The following LHX2 variants were observed in gnomAD, a reference collection of about 807,000 sequenced individuals.
The protein encoded by LHX2 is LIM homeobox 2, also known as LIM/homeobox protein Lhx2.
A neutral mutation model predicts 33.0 loss-of-function variants in LHX2; 6 were observed. The ratio of observed to expected loss-of-function variants is 0.18; its 90% CI spans 0.10 to 0.36. The LOEUF is 0.36. LHX2 is among the 10% of genes least tolerant of loss of function. The pLI is 1.00. For missense variants in LHX2, 442 were observed against 586.2 expected, an observed-to-expected ratio of 0.75 and a Z score of 2.54; for synonymous variants, 292 against 253.1, an observed-to-expected ratio of 1.15 and a Z score of -1.46.
rs1397710625 is a variant in LHX2, at chr9:124,012,997, T to A, written c.120+529T>A. ...TGTCGTTGATCGCGTCCCCAGACCC[T>A]TGACTGGTCAGACTTAGCCAGGCCA... On this transcript the variant is annotated intron_variant, in intron 1 of 4. Transcript: ENST00000373615. The surrounding 1 kb of genome is among the most constrained non-coding windows in gnomAD (Gnocchi z 4.3). Among the ~76,000 whole-genome samples, 2 of 152,228 alleles carry A rather than the reference T, an allele frequency of 1.3e-5. No individual in the cohort carries two copies. Among genetic ancestry groups the A allele is most frequent in the African/African-American group, 4.8e-5 (2 of 41,466 alleles).
In LHX2 at chr9:124,015,109, A is replaced by G. The variant is rs748503764; in HGVS notation, c.324-13A>G. 4 of 1,610,462 alleles carry G rather than the reference A, an allele frequency of 2.5e-6. No individual in the cohort carries two copies. Among genetic ancestry groups the G allele is most frequent in the Admixed American group, 1.7e-5 (1 of 59,958 alleles). ...GTGTGTTCCCACAGCCCCTCCCTCC[A>G]TGGTCCCTACAGGCGCTTCTCTGTG... On this transcript the variant is annotated splice_polypyrimidine_tract_variant and intron_variant, in intron 2 of 4. Coordinates refer to ENST00000373615, the MANE Select transcript of LHX2 (RefSeq NM_004789.4). This position sits in a 1 kb window ranked among gnomAD's most constrained non-coding sequence, Gnocchi z 7.9.
At chr9:124,029,181 C>G (rs1017823216) in intron 4 of LHX2, among the ~76,000 whole-genome samples, 6 of 152,206 alleles carry the variant, frequency 3.9e-5, no homozygotes, top group South Asian at 4.2e-4. Context: ...ATAGTCGAAT[C>G]CACCTACTTG....
rs1859147250 is a variant in LHX2 at position 124,014,288 on chromosome 9, C to T, written c.323+125C>T. The T allele has an allele frequency of 1.7e-6, 1 of 603,346 alleles. No individual in the cohort carries two copies. The allele number at this position is 603,346 out of a possible 1,614,324, so 37.4% of individuals were successfully genotyped here. A position where few individuals can be genotyped will look rare whatever the true frequency, so the allele number is the denominator to read the frequency against. ...GTTCACTACTCAGGACTCCCCCGCT[C>T]CCCCCCCAAGTTCTCCAAGCCACCA... On this transcript the variant is annotated intron_variant, in intron 2 of 4. Coordinates refer to ENST00000373615, the MANE Select transcript of LHX2 (RefSeq NM_004789.4). This position sits in a 1 kb window ranked among gnomAD's most constrained non-coding sequence, Gnocchi z 4.8.
At chr9:124,031,738 T>C (rs1451192454) in intron 4 of LHX2, 1 of 152,324 alleles carries the variant, frequency 6.6e-6, no homozygotes, top group Non-Finnish European at 1.5e-5. Flanking sequence ...TTTTTTTTCA[T>C]ATTCAGCCTT....
rs1181928305 is a variant in LHX2, at chr9:124,031,589, G to A, written c.934-831G>A. The A allele has an allele frequency of 2.0e-5, 3 of 152,166 alleles. No individual in the cohort carries two copies. The East Asian group carries it at 5.8e-4, about 29-fold the overall frequency. 9.4% of individuals were successfully genotyped at this position (152,166 alleles called of 1,614,324 possible). On this transcript the variant is annotated intron_variant, in intron 4 of 4. Coordinates refer to ENST00000373615, the MANE Select transcript of LHX2 (RefSeq NM_004789.4). ...ATTTTAAGTTTTAAATGTCCTAGTA[G>A]CCTCCTTGAAGAAATGAAGAGAGAC...
Position 124,032,754 on chromosome 9 carries a change from C to A in LHX2, c.*47C>A, listed in dbSNP as rs1336472736. 2.0e-6 allele frequency: 3 copies of A among 1,501,182 alleles called. No individual in the cohort carries two copies. Among genetic ancestry groups the A allele is most frequent in the South Asian group, 1.3e-5 (1 of 74,324 alleles). 93.0% of individuals were successfully genotyped at this position (1,501,182 alleles called of 1,614,324 possible). On this transcript the variant is annotated 3_prime_UTR_variant, in exon 5 of 5. Transcript: ENST00000373615. This position sits in a 1 kb window ranked among gnomAD's most constrained non-coding sequence, Gnocchi z 4.1. ...ACAATTTCTTTAAAAAAGAAATTAT[C>A]TTTAGTTGAATTCCAAGTGTATTTT...
At chr9:124,021,803 C>T (rs1174198401) in intron 4 of LHX2, 1 of 157,078 alleles carries the variant, frequency 6.4e-6, no homozygotes, top group East Asian at 1.9e-4. Flanking sequence ...TCACTCCCCC[C>T]TCTCTCTTCC....
At chr9:124,025,911 G>A (rs1033218233) in intron 4 of LHX2, among the ~76,000 whole-genome samples, 2 of 151,992 alleles carry the variant, frequency 1.3e-5, no homozygotes, top group Non-Finnish European at 2.9e-5. Context: ...CTTGAACCCA[G>A]GAGGTGGAGG....
At position 124,014,292 on chromosome 9, in the gene LHX2, C is replaced by A. The variant is rs555771263; in HGVS notation, c.323+129C>A. The A allele has an allele frequency of 4.8e-6, 3 of 624,060 alleles. No individual in the cohort carries two copies. The highest frequency in any genetic ancestry group is 3.6e-5 in the South Asian group (2 of 55,606). 38.7% of individuals were successfully genotyped at this position (624,060 alleles called of 1,614,324 possible). ...ACTACTCAGGACTCCCCCGCTCCCC[C>A]CCCAAGTTCTCCAAGCCACCACAAG... On this transcript the variant is annotated intron_variant, in intron 2 of 4. Coordinates refer to ENST00000373615, the MANE Select transcript of LHX2 (RefSeq NM_004789.4). The surrounding 1 kb of genome is among the most constrained non-coding windows in gnomAD (Gnocchi z 4.8).
At chr9:124,027,568 C>T (rs2118778181) in intron 4 of LHX2, among the ~76,000 whole-genome samples, 1 of 152,170 alleles carries the variant, frequency 6.6e-6, no homozygotes, top group African/African-American at 2.4e-5. Flanking sequence ...CCTGTAATCC[C>T]AGCACTTTGG....
At chr9:124,024,639 A>C (rs7049026) in intron 4 of LHX2, among the ~76,000 whole-genome samples, 58,205 of 152,110 alleles carry the variant, frequency 0.38, 12,037 homozygotes, top group Admixed American at 0.48. Flanking sequence ...GTGTAGAGTC[A>C]GGACCCAGGC....
In LHX2 at chr9:124,014,104, G is replaced by A. The variant is rs780936364; in HGVS notation, c.264G>A (p.Glu88=). The A allele has an allele frequency of 6.2e-7, 1 of 1,613,674 alleles. No homozygotes were observed. The highest frequency in any genetic ancestry group is 1.1e-5 in the South Asian group (1 of 91,092). Reference sequence around the variant, plus strand: ...GCTGCGAGTGCAAGCTCAACCTGGAGTCGGAGCTCACCTGTTTCAGCAAGG... The same window carrying A: ...GCTGCGAGTGCAAGCTCAACCTGGAATCGGAGCTCACCTGTTTCAGCAAGG... ...LKCCECKLNL[E]SELTCFSKDG... The change falls in exon 2 of 5, where the codon GAG becomes GAA. Residue 88 remains glutamate (E), a synonymous_variant. Transcript: ENST00000373615. The surrounding 1 kb of genome is among the most constrained non-coding windows in gnomAD (Gnocchi z 4.8).
chr9:124,031,115 G>A (rs143092307), intron 4 of LHX2, among the ~76,000 whole-genome samples: 8 of 152,122 alleles, frequency 5.3e-5, no homozygotes, highest in Non-Finnish European at 7.4e-5. Flanking sequence ...CTCATAAGTC[G>A]ATACGGGATG....
chr9:124,032,402 C>G lies in LHX2; in HGVS notation c.934-18C>G. On this transcript the variant is annotated intron_variant, in intron 4 of 4. Transcript: ENST00000373615. This position sits in a 1 kb window ranked among gnomAD's most constrained non-coding sequence, Gnocchi z 4.1. ...GCCTGCCTTCCGCTCACCAGCCCTT[C>G]CCTGTCGTCCCCCGCAGGTCTGGTT... 1 of 1,565,334 alleles carries G rather than the reference C, an allele frequency of 6.4e-7. No homozygotes were observed. Among genetic ancestry groups the G allele is most frequent in the Non-Finnish European group, 8.7e-7 (1 of 1,155,634 alleles).
In LHX2 at chr9:124,016,570, A is replaced by G. The variant is rs1218811283; in HGVS notation, c.727+1045A>G. ...AAGCAAAAACAAAAACAAACCCAAG[A>G]CTGTGCAGAGGGTGCTACGGCGGGA... is the stretch of plus-strand genomic sequence containing the variant. On this transcript the variant is annotated intron_variant, in intron 3 of 4. Coordinates refer to ENST00000373615, the MANE Select transcript of LHX2 (RefSeq NM_004789.4). This position sits in a 1 kb window ranked among gnomAD's most constrained non-coding sequence, Gnocchi z 4.4. Among the ~76,000 whole-genome samples, 4 of 152,156 alleles carry G rather than the reference A, an allele frequency of 2.6e-5. No homozygotes were observed. The highest frequency in any genetic ancestry group is 9.7e-5 in the African/African-American group (4 of 41,420).
chr9:124,022,714 A>C (rs926875380), intron 4 of LHX2, among the ~76,000 whole-genome samples: 1 of 152,218 alleles, frequency 6.6e-6, no homozygotes, highest in Non-Finnish European at 1.5e-5. Flanking sequence ...CAGAAACAAA[A>C]AACAAACAAA....
At chr9:124,026,735 G>C (rs1411369148) in intron 4 of LHX2, among the ~76,000 whole-genome samples, 1 of 152,092 alleles carries the variant, frequency 6.6e-6, no homozygotes, top group Admixed American at 6.5e-5. Flanking sequence ...AATTTTATTT[G>C]GCCATATAAT....
intron 1 of LHX2, among the ~76,000 whole-genome samples, chr9:124,013,201 G>A (rs189758768): frequency 6.6e-6 from 1 of 152,388 alleles, no homozygotes; most frequent in African/African-American, 2.4e-5. Context: ...AGGAGGCCGC[G>A]GAGGTGGGGA....
In LHX2 at chr9:124,016,495, A is replaced by AT. The variant is rs1471259748; in HGVS notation, c.727+974dup. Among the ~76,000 whole-genome samples, 1 of 152,218 alleles carries AT rather than the reference A, an allele frequency of 6.6e-6. No homozygotes were observed. The highest frequency in any genetic ancestry group is 1.9e-4 in the East Asian group (1 of 5,202). ...GTTTGCAACAGAATTAGATTTGGAGATTTTGTGTTCTTCTTCCTTTTCCCT... is the reference window on the plus strand; with the variant it reads ...GTTTGCAACAGAATTAGATTTGGAGATTTTTGTGTTCTTCTTCCTTTTCCCT... On this transcript the variant is annotated intron_variant, in intron 3 of 4. Transcript: ENST00000373615. This position sits in a 1 kb window ranked among gnomAD's most constrained non-coding sequence, Gnocchi z 4.4.
Sources: allele counts gnomAD v4.1 joint callset (sites outside exome capture counted in the v4.1 genomes callset), GRCh38; gene constraint gnomAD v4.1.1; non-coding constraint Gnocchi (gnomAD v3.1); transcripts MANE v1.5; gene names NCBI Gene and HGNC (gene_info 2026-07-23, HGNC 2026-07-21).